RGS17: variants seen among roughly 807,000 people sequenced by gnomAD.
The protein encoded by RGS17 is regulator of G protein signaling 17, also known as regulator of G-protein signaling 17.
In RGS17, 12 loss-of-function variants were observed where a neutral mutation model predicts 25.5. That is an observed-to-expected ratio of 0.47 (90% CI 0.30 to 0.76). The LOEUF (loss-of-function observed/expected upper bound fraction) is 0.76. RGS17 is among the 30% of genes least tolerant of loss of function. RGS17 has a pLI of 0.07. For missense variants in RGS17, 196 were observed against 242.2 expected (o/e 0.81, Z 1.27); for synonymous variants, 71 against 76.9 (o/e 0.92, Z 0.40).
At chr6:153,020,125 T>A (rs1379086109) in intron 4 of RGS17, among the ~76,000 whole-genome samples, 27 of 94,076 alleles carry the variant, frequency 2.9e-4, no homozygotes, top group African/African-American at 1.1e-3. Flanking sequence ...TATATATATA[T>A]ATATATATAT....
intron 1 of RGS17, among the ~76,000 whole-genome samples, chr6:153,085,805 TA>T (rs1777045320): frequency 6.6e-6 from 1 of 152,178 alleles, no homozygotes; most frequent in Non-Finnish European, 1.5e-5. Flanking sequence ...GATTACCCTT[TA>T]AAAAATAGAG....
chr6:153,061,067 A>C (rs772051261), intron 1 of RGS17, among the ~76,000 whole-genome samples: 5 of 152,218 alleles, frequency 3.3e-5, no homozygotes, highest in African/African-American at 4.8e-5. Context: ...AATGAAGTGG[A>C]AAGTCATTCA....
chr6:153,099,942 C>T (rs758049036), intron 1 of RGS17, among the ~76,000 whole-genome samples: 9 of 152,126 alleles, frequency 5.9e-5, no homozygotes, highest in African/African-American at 1.2e-4. Flanking sequence ...ATGAGAACAG[C>T]TTTTAATAAC....
intron 1 of RGS17, among the ~76,000 whole-genome samples, chr6:153,075,174 A>T (rs1043503383): frequency 6.6e-6 from 1 of 152,330 alleles, no homozygotes; most frequent in Non-Finnish European, 1.5e-5. Context: ...ACTTTTGTTT[A>T]AACTTTTGTT....
At chr6:153,117,238 G>C (rs1206395524) in intron 1 of RGS17, among the ~76,000 whole-genome samples, 2 of 152,138 alleles carry the variant, frequency 1.3e-5, no homozygotes, top group African/African-American at 4.8e-5. Flanking sequence ...ATGGCAGCAG[G>C]AGAGAGAAGA....
At chr6:153,015,223 T>C (rs892532325) in intron 4 of RGS17, among the ~76,000 whole-genome samples, 1 of 152,224 alleles carries the variant, frequency 6.6e-6, no homozygotes, top group Non-Finnish European at 1.5e-5. Flanking sequence ...ATTGTTGAAA[T>C]GACAACAAAG....
intron 1 of RGS17, among the ~76,000 whole-genome samples, chr6:153,099,681 T>C (rs548922762): frequency 2.3e-4 from 35 of 152,322 alleles, no homozygotes; most frequent in African/African-American, 8.2e-4. Flanking sequence ...TCAGAAGTCC[T>C]GTATTTGTTT....
chr6:153,127,002 C>T (rs1464458927), intron 1 of RGS17, among the ~76,000 whole-genome samples: 1 of 152,200 alleles, frequency 6.6e-6, no homozygotes. Context: ...GACAATTTTT[C>T]CACGGATGGC....
intron 2 of RGS17, among the ~76,000 whole-genome samples, chr6:153,031,041 G>A (rs960884470): frequency 4.6e-5 from 7 of 152,184 alleles, no homozygotes; most frequent in African/African-American, 1.7e-4. Context: ...CTCATTCAGA[G>A]TGGGGATAAA....
chr6:153,064,288 C>A (rs1190946271), intron 1 of RGS17, among the ~76,000 whole-genome samples: 1 of 152,044 alleles, frequency 6.6e-6, no homozygotes, highest in Non-Finnish European at 1.5e-5. Context: ...AACAACTTTT[C>A]AAGACATAGA....
chr6:153,008,207 T>G lies in RGS17; in HGVS notation c.*3367A>C, dbSNP rs993020249. Reference sequence around the variant, plus strand: ...TGGCAAAACTGAACTATCAGGTAGATAAACAACACGTATTTCATTCTGTAA... The same window carrying G: ...TGGCAAAACTGAACTATCAGGTAGAGAAACAACACGTATTTCATTCTGTAA... On this transcript the variant is annotated 3_prime_UTR_variant, in exon 5 of 5. Coordinates refer to ENST00000206262, the MANE Select transcript of RGS17 (RefSeq NM_012419.5). 1.3e-5 allele frequency: 2 copies of G among 152,100 alleles called. No homozygotes were observed. The highest frequency in any genetic ancestry group is 1.3e-4 in the Admixed American group (2 of 15,262). 9.4% of individuals were successfully genotyped at this position (152,100 alleles called of 1,614,324 possible).
At position 153,007,579 on chromosome 6, in the gene RGS17, A is replaced by G. The variant is rs1304005603; in HGVS notation, c.*3995T>C. On this transcript the variant is annotated 3_prime_UTR_variant, in exon 5 of 5. Coordinates refer to ENST00000206262, the MANE Select transcript of RGS17 (RefSeq NM_012419.5). Reference sequence around the variant, plus strand: ...TAGGCATTTTCTGTCTAAGACTTAAAAATATTATTATTATAATTATTATTA... The same window carrying G: ...TAGGCATTTTCTGTCTAAGACTTAAGAATATTATTATTATAATTATTATTA... 6.6e-6 allele frequency: 1 copy of G among 151,756 alleles called. No homozygotes were observed. Among genetic ancestry groups the G allele is most frequent in the Non-Finnish European group, 1.5e-5 (1 of 67,904 alleles). The allele number at this position is 151,756 out of a possible 1,614,324, so 9.4% of individuals were successfully genotyped here.
chr6:153,096,093 G>A (rs1777204313), intron 1 of RGS17, among the ~76,000 whole-genome samples: 1 of 152,190 alleles, frequency 6.6e-6, no homozygotes, highest in Non-Finnish European at 1.5e-5. Context: ...ACAGAGCTTT[G>A]AACAACGTGC....
intron 1 of RGS17, among the ~76,000 whole-genome samples, chr6:153,065,260 TA>T (rs1776691491): frequency 6.6e-6 from 1 of 152,162 alleles, no homozygotes; most frequent in South Asian, 2.1e-4. Flanking sequence ...CAATTTTAAA[TA>T]TATGTGCATC....
At chr6:153,043,193 G>A (rs944092564) in intron 2 of RGS17, among the ~76,000 whole-genome samples, 1 of 152,168 alleles carries the variant, frequency 6.6e-6, no homozygotes, top group Non-Finnish European at 1.5e-5. Flanking sequence ...TTTTGCCAAT[G>A]AGGAAATCAA....
chr6:153,016,185 T>C (rs1779182293), intron 4 of RGS17, among the ~76,000 whole-genome samples: 1 of 152,266 alleles, frequency 6.6e-6, no homozygotes, highest in Non-Finnish European at 1.5e-5. Flanking sequence ...ATGAGGTCAC[T>C]ATCAAGTACA....
chr6:153,009,745 T>C lies in RGS17; in HGVS notation c.*1829A>G, dbSNP rs1465001516. 1 of 151,962 alleles carries C rather than the reference T, an allele frequency of 6.6e-6. No individual in the cohort carries two copies. The highest frequency in any genetic ancestry group is 1.5e-5 in the Non-Finnish European group (1 of 67,848). 9.4% of individuals were successfully genotyped at this position (151,962 alleles called of 1,614,324 possible). Reference sequence around the variant, plus strand: ...ATGGTAGGATAGTCAGCAACGCCAGTGTAAACAGAATATTTTGTTTTCTAC... The same window carrying C: ...ATGGTAGGATAGTCAGCAACGCCAGCGTAAACAGAATATTTTGTTTTCTAC... On this transcript the variant is annotated 3_prime_UTR_variant, in exon 5 of 5. Coordinates refer to ENST00000206262, the MANE Select transcript of RGS17 (RefSeq NM_012419.5).
intron 1 of RGS17, among the ~76,000 whole-genome samples, chr6:153,117,367 T>TA (rs1301152750): frequency 2.0e-5 from 3 of 152,042 alleles, no homozygotes; most frequent in Non-Finnish European, 4.4e-5. Flanking sequence ...ACCCACCAGG[T>TA]CTCTCCCTAA....
At chr6:153,105,985 C>T (rs1777377148) in intron 1 of RGS17, among the ~76,000 whole-genome samples, 1 of 152,050 alleles carries the variant, frequency 6.6e-6, no homozygotes, top group African/African-American at 2.4e-5. Flanking sequence ...GGGAGGCTGC[C>T]ACAACAGTCC....
Sources: gnomAD v4.1 joint callset for allele counts (sites outside exome capture counted in the v4.1 genomes callset) on GRCh38, gnomAD v4.1.1 for gene constraint, MANE v1.5 for transcripts, NCBI Gene and HGNC (gene_info 2026-07-23, HGNC 2026-07-21) for gene names.